The following AVEN variants were observed in gnomAD, a reference collection of about 807,000 sequenced individuals.
The protein encoded by AVEN is cell death regulator Aven.
A neutral mutation model predicts 38.1 loss-of-function variants in AVEN; 41 were observed. The observed-to-expected ratio is 1.08, with a 90% CI of 0.84 to 1.40. The LOEUF (loss-of-function observed/expected upper bound fraction) is 1.40, where lower values mean the gene tolerates loss of function less well. Ranked by LOEUF, AVEN falls within the 40% of genes most tolerant of loss-of-function variation. The pLI is 0.00. For missense variants in AVEN, 605 were observed against 438.8 expected, an observed-to-expected ratio of 1.38 and a Z score of -3.38; for synonymous variants, 206 against 171.8, an observed-to-expected ratio of 1.20 and a Z score of -1.56.
intron 2 of AVEN, among the ~76,000 whole-genome samples, chr15:33,897,485 G>A (rs1299661652): frequency 6.6e-6 from 1 of 151,988 alleles, no homozygotes; most frequent in Non-Finnish European, 1.5e-5. Context: ...GGCCAGGCTG[G>A]TCTTGAACCC....
intron 2 of AVEN, among the ~76,000 whole-genome samples, chr15:33,997,997 C>T (rs12050692): frequency 0.21 from 31,821 of 152,068 alleles, 5,138 homozygotes; most frequent in African/African-American, 0.45. Flanking sequence ...TCCTTGACAA[C>T]TATTTCTTAC....
chr15:33,857,833 G>A (rs2079854723), downstream of AVEN: 1 of 1,614,164 alleles, frequency 6.2e-7, no homozygotes, highest in Non-Finnish European at 8.5e-7. Context: ...ATACTGTGGT[G>A]GCTTTCAACT....
chr15:33,860,970 A>G, intron 11 of AVEN: 3 of 895,064 alleles, frequency 3.4e-6, no homozygotes, highest in South Asian at 3.0e-5. Flanking sequence ...AGCCAAAAGC[A>G]TTAGAAAGAA....
chr15:34,063,035 G>T lies in AVEN; in HGVS notation n.1524C>A. The stretch of plus-strand genomic sequence containing the variant: ...TCGGGAGTCTGGCTTGTGACCTTTG[G>T]CTTGCACTGGACTACGTGGCCAGCA... On this transcript the variant is annotated non_coding_transcript_exon_variant, in exon 5 of 12. Coordinates refer to the AVEN transcript ENST00000675287. This position sits in a 1 kb window ranked among gnomAD's most constrained non-coding sequence, Gnocchi z 4.1. 1 of 1,614,212 alleles carries T rather than the reference G, an allele frequency of 6.2e-7. No individual in the cohort carries two copies. Among genetic ancestry groups the T allele is most frequent in the Non-Finnish European group, 8.5e-7 (1 of 1,180,034 alleles).
intron 2 of AVEN, among the ~76,000 whole-genome samples, chr15:33,961,834 A>G (rs1008499840): frequency 2.0e-4 from 30 of 150,800 alleles, no homozygotes; most frequent in South Asian, 1.3e-3. Context: ...AAAAAAAAAA[A>G]AAAAGAAAAC....
At chr15:34,026,369 T>C (rs1049043582) in intron 1 of AVEN, among the ~76,000 whole-genome samples, 4 of 152,196 alleles carry the variant, frequency 2.6e-5, no homozygotes, top group African/African-American at 9.6e-5. Flanking sequence ...GTGTAACTTT[T>C]AACCTTAGGA....
At chr15:33,864,122 C>G, downstream of AVEN, 3 of 1,599,058 alleles carry the variant, frequency 1.9e-6, no homozygotes, top group Non-Finnish European at 2.6e-6. Flanking sequence ...CTAATACTAT[C>G]TTTTCCTCGT....
At chr15:33,865,059 GAA>G, downstream of AVEN, 1 of 1,208,324 alleles carries the variant, frequency 8.3e-7, no homozygotes, top group Non-Finnish European at 1.2e-6. Context: ...GAGCCACAAA[GAA>G]CAAAAACAAA....
downstream of AVEN, among the ~76,000 whole-genome samples, chr15:33,857,355 T>C (rs1178280347): frequency 6.6e-6 from 1 of 152,020 alleles, no homozygotes; most frequent in East Asian, 1.9e-4. Context: ...GTCTAGCCTC[T>C]CTCTCTGTGT....
chr15:33,978,949 G>A (rs1168193738), intron 2 of AVEN, among the ~76,000 whole-genome samples: 3 of 152,086 alleles, frequency 2.0e-5, no homozygotes, highest in East Asian at 3.9e-4. Flanking sequence ...TAAGGAGTAG[G>A]GGTAGCAGAA....
chr15:33,918,850 C>G (rs1462193078), intron 2 of AVEN, among the ~76,000 whole-genome samples: 1 of 151,568 alleles, frequency 6.6e-6, no homozygotes, highest in Non-Finnish European at 1.5e-5. Flanking sequence ...ATTAATCTAC[C>G]TTTTTAAGGA....
At chr15:33,893,998 G>A (rs997752909) in intron 2 of AVEN, among the ~76,000 whole-genome samples, 5 of 150,022 alleles carry the variant, frequency 3.3e-5, no homozygotes, top group Non-Finnish European at 5.9e-5. Context: ...TGCCCAGGCT[G>A]GAGTGCAATG....
chr15:33,901,384 G>A (rs561608893), intron 2 of AVEN, among the ~76,000 whole-genome samples: 9 of 152,232 alleles, frequency 5.9e-5, no homozygotes, highest in South Asian at 4.2e-4. Context: ...GCATACACAC[G>A]CACACACGTT....
At position 34,011,751 on chromosome 15, in the gene AVEN, T is replaced by C. The variant is rs576121635; in HGVS notation, c.268-8542A>G. 2.0e-5 allele frequency among the ~76,000 whole-genome samples: 3 copies of C among 152,330 alleles called. No homozygotes were observed. The East Asian group carries it at 5.8e-4, about 29-fold the overall frequency. On this transcript the variant is annotated intron_variant, in intron 1 of 5. Coordinates refer to ENST00000306730, the MANE Select transcript of AVEN (RefSeq NM_020371.3). ...CCTAAGTCCTTATATCTTTCTCATG[T>C]GTGTCATTTTGCTTCCAAGTCGGCT...
At chr15:34,025,148 C>A (rs1434371533) in intron 1 of AVEN, among the ~76,000 whole-genome samples, 1 of 151,754 alleles carries the variant, frequency 6.6e-6, no homozygotes, top group Admixed American at 6.6e-5. Context: ...CCACCCTGGG[C>A]GATGGAGTGA....
intron 5 of AVEN, among the ~76,000 whole-genome samples, chr15:34,047,507 T>G (rs569233304): frequency 1.3e-5 from 2 of 152,258 alleles, no homozygotes; most frequent in African/African-American, 4.8e-5. Flanking sequence ...CCCACTTCCC[T>G]GGCACCTCAC....
Position 33,866,386 on chromosome 15 carries a change from T to TTAAGGAAATCTATTAG in AVEN, c.*211_*226dup. 1.8e-6 allele frequency: 1 copy of TTAAGGAAATCTATTAG among 563,124 alleles called. No homozygotes were observed. 34.9% of individuals were successfully genotyped at this position (563,124 alleles called of 1,614,324 possible). The stretch of plus-strand genomic sequence containing the variant: ...AAGGGCCAGAGTCTATCTCCTGCCC[T>TTAAGGAAATCTATTAG]TAAGGAAATCTATTAGATTACTAAG... On this transcript the variant is annotated 3_prime_UTR_variant, in exon 6 of 6. Coordinates refer to ENST00000306730, the MANE Select transcript of AVEN (RefSeq NM_020371.3).
chr15:34,039,244 G>T (rs1463972876), upstream of AVEN: 4 of 280,338 alleles, frequency 1.4e-5, no homozygotes, highest in East Asian at 6.2e-4. Context: ...CCCGCAGGTG[G>T]GGCCGGAACC....
At chr15:33,893,859 G>T (rs776842609) in intron 2 of AVEN, among the ~76,000 whole-genome samples, 24 of 152,044 alleles carry the variant, frequency 1.6e-4, no homozygotes, top group Non-Finnish European at 3.4e-4. Flanking sequence ...GTGTGGTCAC[G>T]GTGTTCCATC....
Sources: allele counts gnomAD v4.1 joint callset (sites outside exome capture counted in the v4.1 genomes callset), GRCh38; gene constraint gnomAD v4.1.1; non-coding constraint Gnocchi (gnomAD v3.1); transcripts MANE v1.5; gene names NCBI Gene and HGNC (gene_info 2026-07-23, HGNC 2026-07-21).